The following SSPN variants were observed in gnomAD, a reference collection of about 807,000 sequenced individuals.
SSPN encodes K-ras oncogene-associated protein.
In SSPN, 15 loss-of-function variants were observed where a neutral mutation model predicts 19.1. The observed-to-expected ratio is 0.78, with a 90% CI of 0.52 to 1.21. The LOEUF is 1.21. Ranked by LOEUF, SSPN falls within the 50% of genes most tolerant of loss-of-function variation. The pLI is 0.00. For missense variants in SSPN, 291 were observed against 314.0 expected (o/e 0.93, Z 0.55); for synonymous variants, 147 against 140.3 (o/e 1.05, Z -0.34).
At chr12:26,124,174 G>A (rs931905067) in intron 1 of SSPN, 13 of 1,589,796 alleles carry the variant, frequency 8.2e-6, no homozygotes, top group Non-Finnish European at 8.6e-6. Flanking sequence ...GTAATTTGTA[G>A]GTATCCTTAA....
At chr12:26,221,550 C>G (rs1363518261) in intron 1 of SSPN, among the ~76,000 whole-genome samples, 1 of 152,184 alleles carries the variant, frequency 6.6e-6, no homozygotes, top group Non-Finnish European at 1.5e-5. Context: ...GTCATGTGTT[C>G]CTATGCAACT....
At chr12:26,225,629 G>A (rs929205615) in intron 2 of SSPN, among the ~76,000 whole-genome samples, 6 of 151,530 alleles carry the variant, frequency 4.0e-5, no homozygotes, top group Non-Finnish European at 8.8e-5. Context: ...CCTTCATTTG[G>A]AAATTATACT....
At chr12:26,222,317 C>T (rs1362150913) in intron 1 of SSPN, among the ~76,000 whole-genome samples, 1 of 152,194 alleles carries the variant, frequency 6.6e-6, no homozygotes, top group African/African-American at 2.4e-5. Flanking sequence ...CAACCTACAA[C>T]TTGGCAGTGG....
intron 1 of SSPN, among the ~76,000 whole-genome samples, chr12:26,151,117 A>G (rs1254201606): frequency 6.6e-6 from 1 of 152,144 alleles, no homozygotes; most frequent in African/African-American, 2.4e-5. Flanking sequence ...GCAAGTCTAT[A>G]TTTTAATATT....
At chr12:26,180,596 T>C (rs192812545) in intron 1 of SSPN, 7 of 152,352 alleles carry the variant, frequency 4.6e-5, no homozygotes, top group African/African-American at 1.7e-4. Context: ...ATAGCATATT[T>C]TTCCCTAATC....
At chr12:26,154,940 T>C (rs545277782) in intron 1 of SSPN, among the ~76,000 whole-genome samples, 2 of 152,266 alleles carry the variant, frequency 1.3e-5, no homozygotes, top group East Asian at 3.9e-4. Context: ...AAGCTGGGCA[T>C]GACAGTGTAA....
intron 1 of SSPN, among the ~76,000 whole-genome samples, chr12:26,136,043 T>TCCATGGATTCAACCAACCTTAGG (rs1388101322): frequency 1.3e-5 from 2 of 152,256 alleles, no homozygotes; most frequent in Non-Finnish European, 2.9e-5. Flanking sequence ...AGGATATAAA[T>TCCATGGATTCAACCAACCTTAGG]ATTTGAAAAT....
intron 1 of SSPN, among the ~76,000 whole-genome samples, chr12:26,133,347 C>T (rs981246478): frequency 6.6e-6 from 1 of 152,124 alleles, no homozygotes; most frequent in African/African-American, 2.4e-5. Flanking sequence ...CTGAGAATTC[C>T]ACCTCTTAAA....
At chr12:26,221,987 G>A (rs1945126694) in intron 1 of SSPN, among the ~76,000 whole-genome samples, 2 of 152,122 alleles carry the variant, frequency 1.3e-5, no homozygotes, top group African/African-American at 4.8e-5. Context: ...TTTTACAAAT[G>A]AGCTTTACAA....
At chr12:26,190,751 C>A (rs1944782330), upstream of SSPN, among the ~76,000 whole-genome samples, 1 of 152,122 alleles carries the variant, frequency 6.6e-6, no homozygotes, top group Non-Finnish European at 1.5e-5. Flanking sequence ...CCCTGTATTT[C>A]TCTTTTTATT....
intron 1 of SSPN, among the ~76,000 whole-genome samples, chr12:26,220,206 C>T (rs189421872): frequency 7.5e-6 from 1 of 132,886 alleles, no homozygotes; most frequent in East Asian, 2.2e-4. Flanking sequence ...TCAATAAACT[C>T]TTTGATAAAG....
chr12:26,194,945 G>C (rs1432778659), upstream of SSPN, among the ~76,000 whole-genome samples: 1 of 152,182 alleles, frequency 6.6e-6, no homozygotes, highest in African/African-American at 2.4e-5. Flanking sequence ...AGCTAGGATG[G>C]TGACAATGCA....
chr12:26,166,277 A>T (rs1944620643), intron 1 of SSPN, among the ~76,000 whole-genome samples: 1 of 152,104 alleles, frequency 6.6e-6, no homozygotes, highest in South Asian at 2.1e-4. Context: ...TAATAATAAT[A>T]AAAAAAAGTA....
At chr12:26,122,828 C>T (rs1397683588) in intron 1 of SSPN, 6 of 1,584,048 alleles carry the variant, frequency 3.8e-6, no homozygotes, top group African/African-American at 2.7e-5. Context: ...CGGCGGCGAG[C>T]TCGGCGCTGG....
In SSPN at chr12:26,156,064, A is replaced by C. The variant is rs1291676604; in HGVS notation, c.-31+33912A>C. On this transcript the variant is annotated intron_variant, in intron 1 of 2. Coordinates refer to the SSPN transcript ENST00000538142. ...TGGTAAAGAATCTTAGAATGAAAGT[A>C]AGACATGACAAAGAACAAAAGGAAG... Among the ~76,000 whole-genome samples, 20 of 152,234 alleles carry C rather than the reference A, an allele frequency of 1.3e-4. 1 individual carries two copies. The highest frequency in any genetic ancestry group is 1.3e-3 in the Admixed American group (20 of 15,282).
intron 1 of SSPN, chr12:26,125,041 A>C: frequency 1.8e-6 from 1 of 568,334 alleles, no homozygotes; most frequent in South Asian, 1.9e-5. Flanking sequence ...GTGTTTGGCC[A>C]CAGGGCACGC....
intron 1 of SSPN, among the ~76,000 whole-genome samples, chr12:26,189,119 A>G (rs1420608704): frequency 6.6e-6 from 1 of 152,138 alleles, no homozygotes; most frequent in Non-Finnish European, 1.5e-5. Flanking sequence ...TTAAAGAGAT[A>G]ATATGTAAGA....
chr12:26,176,158 C>CA (rs1420952450), intron 1 of SSPN, among the ~76,000 whole-genome samples: 3 of 151,992 alleles, frequency 2.0e-5, no homozygotes, highest in African/African-American at 4.8e-5. Context: ...TCTTAAATTG[C>CA]AAAAAATATT....
At chr12:26,172,439 T>C (rs1944658901) in intron 1 of SSPN, among the ~76,000 whole-genome samples, 1 of 152,238 alleles carries the variant, frequency 6.6e-6, no homozygotes, top group Non-Finnish European at 1.5e-5. Context: ...CTCATTTCTC[T>C]GTTTCTCGAT....
Sources: allele counts gnomAD v4.1 joint callset (sites outside exome capture counted in the v4.1 genomes callset), GRCh38; gene constraint gnomAD v4.1.1; transcripts MANE v1.5; gene names NCBI Gene and HGNC (gene_info 2026-07-23, HGNC 2026-07-21).